Variants in TAF4B observed in about 807,000 individuals in gnomAD.
TAF4B encodes the protein TATA-box binding protein associated factor 4b, also known as transcription initiation factor TFIID subunit 4B.
TAF4B carries 38 observed loss-of-function variants against 86.4 expected under a neutral mutation model. The observed-to-expected ratio is 0.44, with a 90% CI of 0.34 to 0.58. TAF4B has a LOEUF of 0.58. TAF4B is among the 20% of genes least tolerant of loss of function. The probability of loss-of-function intolerance (pLI) is 0.02; values close to 1 mark genes in which losing one functional copy is unlikely to be tolerated. For missense variants in TAF4B, 988 were observed against 1,027.6 expected (o/e 0.96, Z 0.53); for synonymous variants, 388 against 391.2 (o/e 0.99, Z 0.10).
At chr18:26,255,405 A>T (rs1323322468) in intron 1 of TAF4B, among the ~76,000 whole-genome samples, 1 of 151,944 alleles carries the variant, frequency 6.6e-6, no homozygotes, top group Non-Finnish European at 1.5e-5. Flanking sequence ...GTCATTTGAG[A>T]CCAGCCTGGC....
At chr18:26,324,120 A>T (rs1023995770) in intron 11 of TAF4B, among the ~76,000 whole-genome samples, 4 of 152,164 alleles carry the variant, frequency 2.6e-5, no homozygotes, top group African/African-American at 9.7e-5. Flanking sequence ...TCTACAATCT[A>T]GTTTGGATTG....
At chr18:26,365,683 A>G (rs1328116131) in intron 14 of TAF4B, among the ~76,000 whole-genome samples, 2 of 152,238 alleles carry the variant, frequency 1.3e-5, no homozygotes, top group Non-Finnish European at 2.9e-5. Flanking sequence ...TCCATGAATC[A>G]CTTCAGTATG....
At chr18:26,232,302 G>A (rs1414343804) in intron 1 of TAF4B, among the ~76,000 whole-genome samples, 1 of 152,104 alleles carries the variant, frequency 6.6e-6, no homozygotes, top group Non-Finnish European at 1.5e-5. Flanking sequence ...TTGCTGGATA[G>A]GGGCGAAGAA....
At chr18:26,312,434 G>C (rs1025308943) in intron 9 of TAF4B, among the ~76,000 whole-genome samples, 14 of 152,166 alleles carry the variant, frequency 9.2e-5, no homozygotes, top group Non-Finnish European at 1.9e-4. Flanking sequence ...GGTAACTAGA[G>C]GGAGTTGTGT....
intron 11 of TAF4B, among the ~76,000 whole-genome samples, chr18:26,325,994 G>A (rs1046876368): frequency 4.6e-5 from 7 of 152,128 alleles, no homozygotes; most frequent in Admixed American, 3.9e-4. Flanking sequence ...TAAGCAGGGG[G>A]ATAAAACAAA....
intron 9 of TAF4B, among the ~76,000 whole-genome samples, chr18:26,294,649 A>G (rs950645105): frequency 2.4e-5 from 3 of 126,554 alleles, no homozygotes; most frequent in Admixed American, 7.6e-5. Flanking sequence ...TATATGTATC[A>G]TACATATTTA....
intron 14 of TAF4B, among the ~76,000 whole-genome samples, chr18:26,358,659 A>G (rs2057307604): frequency 6.6e-6 from 1 of 152,184 alleles, no homozygotes; most frequent in Non-Finnish European, 1.5e-5. Flanking sequence ...ACAGTTTGCC[A>G]AGATCGCGCC....
intron 7 of TAF4B, 38 bp from the exon 8 acceptor site, chr18:26,292,208 A>G: frequency 1.3e-6 from 2 of 1,593,690 alleles, no homozygotes; most frequent in Non-Finnish European, 8.5e-7. Context: ...CTAAAGCCTT[A>G]AGTTGAACAA....
At chr18:26,381,332 G>A (rs1250261324) in intron 14 of TAF4B, among the ~76,000 whole-genome samples, 2 of 151,068 alleles carry the variant, frequency 1.3e-5, no homozygotes, top group Non-Finnish European at 2.9e-5. Context: ...TTTTTTTAAT[G>A]GTTGCTGTGA....
At chr18:26,238,380 T>G (rs1218596903) in intron 1 of TAF4B, among the ~76,000 whole-genome samples, 1 of 152,068 alleles carries the variant, frequency 6.6e-6, no homozygotes, top group Non-Finnish European at 1.5e-5. Flanking sequence ...ATATAATTTC[T>G]GAGGCTCCCC....
chr18:26,248,862 A>C (rs2055961461), intron 1 of TAF4B, among the ~76,000 whole-genome samples: 1 of 143,904 alleles, frequency 6.9e-6, no homozygotes, highest in African/African-American at 2.5e-5. Context: ...TATTGAGGTA[A>C]AATTTTTGTT....
chr18:26,278,435 C>T (rs1470051430), intron 5 of TAF4B, among the ~76,000 whole-genome samples: 1 of 151,996 alleles, frequency 6.6e-6, no homozygotes. Flanking sequence ...CTCCAAGTAG[C>T]TAGGACTAAG....
chr18:26,326,621 A>AT (rs1222106595), intron 11 of TAF4B, among the ~76,000 whole-genome samples: 1 of 152,170 alleles, frequency 6.6e-6, no homozygotes, highest in Admixed American at 6.5e-5. Context: ...CTAAGATTTA[A>AT]TTACTTATAT....
intron 12 of TAF4B, among the ~76,000 whole-genome samples, chr18:26,327,923 G>A (rs1487964341): frequency 2.0e-5 from 3 of 152,080 alleles, no homozygotes; most frequent in South Asian, 2.1e-4. Flanking sequence ...TTATTTAAAC[G>A]TTTTCTTGGG....
intron 14 of TAF4B, among the ~76,000 whole-genome samples, chr18:26,374,443 C>T (rs1225074466): frequency 6.6e-6 from 1 of 152,122 alleles, no homozygotes; most frequent in Non-Finnish European, 1.5e-5. Flanking sequence ...TAATGTTGTA[C>T]CTGTCTCTTT....
At chr18:26,237,385 C>T (rs2055765085) in intron 1 of TAF4B, among the ~76,000 whole-genome samples, 1 of 152,166 alleles carries the variant, frequency 6.6e-6, no homozygotes, top group African/African-American at 2.4e-5. Context: ...CCCAGGTCTA[C>T]CTTGATCTGC....
At chr18:26,312,131 C>T (rs753253531) in intron 9 of TAF4B, among the ~76,000 whole-genome samples, 7 of 152,128 alleles carry the variant, frequency 4.6e-5, no homozygotes, top group Non-Finnish European at 1.0e-4. Context: ...GCACCTTCAT[C>T]GAAAGACACC....
rs1259107357 is a variant in TAF4B at position 26,292,267 on chromosome 18, G to A, written c.1612G>A (p.Gly538Ser). Residue 538 changes from glycine to serine, a missense_variant, in exon 8 of 15, where the codon GGC becomes AGC. Gly to Ser is a moderately conservative substitution (Grantham distance 56). Transcript: ENST00000269142. The stretch of plus-strand genomic sequence containing the variant: ...TCAGGTAGTTCAGCAGCCTTCAGGA[G>A]GCAATGAAAAACAAGTGACCACAAT... ...KQLVVQQPSG[G>S]NEKQVTTISH... 1 of 1,613,992 alleles carries A rather than the reference G, an allele frequency of 6.2e-7. No individual in the cohort carries two copies. The highest frequency in any genetic ancestry group is 8.5e-7 in the Non-Finnish European group (1 of 1,179,942).
intron 1 of TAF4B, among the ~76,000 whole-genome samples, chr18:26,255,429 C>T (rs1222907546): frequency 6.6e-6 from 1 of 151,670 alleles, no homozygotes; most frequent in Admixed American, 6.6e-5. Context: ...CGTGGTGAAA[C>T]CCTGTCTCTA....
Sources: allele counts gnomAD v4.1 joint callset (sites outside exome capture counted in the v4.1 genomes callset), GRCh38; gene constraint gnomAD v4.1.1; transcripts MANE v1.5; gene names NCBI Gene and HGNC (gene_info 2026-07-23, HGNC 2026-07-21).